The following DENND5B variants were observed in gnomAD, a reference collection of about 807,000 sequenced individuals.
DENND5B encodes the protein DENN domain containing 5B, also known as DENN domain-containing protein 5B.
Under a neutral mutation model 140.6 loss-of-function variants are expected in DENND5B, and 34 were observed. The ratio of observed to expected loss-of-function variants is 0.24; its 90% confidence interval spans 0.18 to 0.32. The LOEUF is 0.32. DENND5B is among the 10% of genes least tolerant of loss of function. The pLI is 1.00. For synonymous variants in DENND5B, 551 were observed against 562.1 expected, an observed-to-expected ratio of 0.98 and a Z score of 0.28; for missense variants, 1,142 against 1,560.2, an observed-to-expected ratio of 0.73 and a Z score of 4.52.
intron 2 of DENND5B, among the ~76,000 whole-genome samples, chr12:31,483,865 C>CTTTTTTTTTT (rs200066618): frequency 9.3e-5 from 12 of 129,404 alleles, no homozygotes; most frequent in South Asian, 2.5e-4. Context: ...CTTTTCTTTT[C>CTTTTTTTTTT]TTTTTTTTTT....
chr12:31,423,714 A>AAAAAT (rs2137710694), intron 10 of DENND5B, 39 bp from the exon 11 acceptor site: 1 of 1,586,748 alleles, frequency 6.3e-7, no homozygotes. Flanking sequence ...ATAAGAAATA[A>AAAAAT]TTCATCAAAA....
chr12:31,531,785 CA>C (rs1948295810), intron 1 of DENND5B, among the ~76,000 whole-genome samples: 1 of 152,142 alleles, frequency 6.6e-6, no homozygotes, highest in Non-Finnish European at 1.5e-5. Flanking sequence ...ATCCGCCCAG[CA>C]GAAACTGAGC....
At chr12:31,491,952 A>T (rs1429085630) in intron 2 of DENND5B, among the ~76,000 whole-genome samples, 1 of 152,256 alleles carries the variant, frequency 6.6e-6, no homozygotes, top group South Asian at 2.1e-4. Flanking sequence ...TAAAGGCAAG[A>T]CAAAGCTTTA....
At chr12:31,568,441 G>T (rs951680057) in intron 1 of DENND5B, among the ~76,000 whole-genome samples, 1 of 152,124 alleles carries the variant, frequency 6.6e-6, no homozygotes, top group Non-Finnish European at 1.5e-5. Context: ...TAGCTATATA[G>T]TTTTCATCCC....
At chr12:31,531,695 A>C (rs1032548632) in intron 1 of DENND5B, among the ~76,000 whole-genome samples, 1 of 152,208 alleles carries the variant, frequency 6.6e-6, no homozygotes, top group African/African-American at 2.4e-5. Flanking sequence ...ACCCAGAATT[A>C]CATTCCTTCC....
chr12:31,577,117 T>A (rs1211420374), intron 1 of DENND5B, among the ~76,000 whole-genome samples: 1 of 152,164 alleles, frequency 6.6e-6, no homozygotes, highest in African/African-American at 2.4e-5. Flanking sequence ...CTATGAGCAA[T>A]CTTGTGTCAA....
In DENND5B at chr12:31,409,302, C is replaced by T. The variant is rs1201808461; in HGVS notation, c.2764G>A (p.Val922Met). ...ACACTGGTGAAGCAGAAATAGTCCA[C>T]AGCATTGAGAGAAAGAAGGTGGTAA... ...FLYHLLSLNA[V>M]DYFCFTSVFT... is the part of the protein sequence containing the mutation. The change falls in exon 14 of 21, where the codon GTG (valine) becomes ATG (methionine). Residue 922 changes from valine (V) to methionine (M), a missense_variant. Val to Met is a conservative substitution (Grantham distance 21, BLOSUM62 1). Around this residue, in one of 5 missense-constraint regions of DENND5B, gnomAD observed 268 missense variants for 349.2 expected, o/e 0.77. Coordinates refer to ENST00000389082, the MANE Select transcript of DENND5B (RefSeq NM_144973.4). 5 of 1,570,890 alleles carry T rather than the reference C, an allele frequency of 3.2e-6. No homozygotes were observed. In the Admixed American group the frequency reaches 9.4e-5, roughly 30 times the overall value.
intron 8 of DENND5B, 74 bp downstream of exon 8, chr12:31,433,081 T>C (rs750740885): frequency 1.7e-6 from 2 of 1,207,044 alleles, no homozygotes; most frequent in Non-Finnish European, 2.4e-6. Context: ...ATCTACACAA[T>C]GACATCTGCT....
chr12:31,402,736 A>C, intron 14 of DENND5B, 93 bp from the exon 15 acceptor site: 1 of 1,429,990 alleles, frequency 7.0e-7, no homozygotes, highest in Middle Eastern at 1.9e-4. Context: ...GTTTTCATTG[A>C]TAATTTGCTT....
intron 7 of DENND5B, among the ~76,000 whole-genome samples, chr12:31,442,299 C>G (rs1385879142): frequency 6.6e-6 from 1 of 152,136 alleles, no homozygotes; most frequent in Non-Finnish European, 1.5e-5. Flanking sequence ...AAGGATCATT[C>G]CCTAGAAGCC....
chr12:31,519,633 C>G (rs989263296), intron 1 of DENND5B, among the ~76,000 whole-genome samples: 4 of 152,146 alleles, frequency 2.6e-5, no homozygotes, highest in Non-Finnish European at 5.9e-5. Context: ...GGGGCTCACA[C>G]AGAAGTCAAA....
chr12:31,499,760 ATAAT>A (rs1271190459), intron 1 of DENND5B: 1 of 1,076,694 alleles, frequency 9.3e-7, no homozygotes, highest in African/African-American at 1.6e-5. Context: ...GAAAATGAGA[ATAAT>A]TAACCAAAAG....
chr12:31,441,960 G>A (rs1434178103), intron 7 of DENND5B, among the ~76,000 whole-genome samples: 2 of 152,186 alleles, frequency 1.3e-5, no homozygotes, highest in Admixed American at 1.3e-4. Flanking sequence ...TGAGGTTACA[G>A]GCGTGAGCCA....
intron 19 of DENND5B, among the ~76,000 whole-genome samples, chr12:31,390,465 C>A (rs1593034572): frequency 6.6e-6 from 1 of 151,480 alleles, no homozygotes; most frequent in East Asian, 2.0e-4. Context: ...ATGGTGAAAC[C>A]CCATCTCTAC....
Position 31,382,716 on chromosome 12 carries a change from G to T in DENND5B, c.*4887C>A, listed in dbSNP as rs931668753. ...CGAATGAGGAAAAATTTTATTTGAG[G>T]TTTTTTTTTTTTCCTCTAGCTTGAT... On this transcript the variant is annotated 3_prime_UTR_variant, in exon 21 of 21. Coordinates refer to ENST00000389082, the MANE Select transcript of DENND5B (RefSeq NM_144973.4). 1 of 146,018 alleles carries T rather than the reference G, an allele frequency of 6.8e-6. No individual in the cohort carries two copies. The highest frequency in any genetic ancestry group is 6.9e-5 in the Admixed American group (1 of 14,546). 9.0% of individuals were successfully genotyped at this position (146,018 alleles called of 1,614,324 possible).
At chr12:31,468,039 A>T (rs1945357037) in intron 3 of DENND5B, among the ~76,000 whole-genome samples, 1 of 152,094 alleles carries the variant, frequency 6.6e-6, no homozygotes. Flanking sequence ...GAATTGCTTG[A>T]GCCCAGGAGT....
At chr12:31,490,825 C>T (rs1287095704) in intron 2 of DENND5B, among the ~76,000 whole-genome samples, 2 of 152,128 alleles carry the variant, frequency 1.3e-5, no homozygotes, top group South Asian at 2.1e-4. Context: ...AACCTTTCAC[C>T]GTTTACTCTT....
At position 31,439,881 on chromosome 12, in the gene DENND5B, G is replaced by C. The variant is rs548678516; in HGVS notation, c.2012+2894C>G. On this transcript the variant is annotated intron_variant, in intron 7 of 20. Coordinates refer to ENST00000389082, the MANE Select transcript of DENND5B (RefSeq NM_144973.4). Reference sequence around the variant, plus strand: ...GGAGGTGGAGGTTGCGGTGAGCTGAGATCGTACCATTGCACTCTGGCCTGG... The same window carrying C: ...GGAGGTGGAGGTTGCGGTGAGCTGACATCGTACCATTGCACTCTGGCCTGG... Among the ~76,000 whole-genome samples, 6 of 119,926 alleles carry C rather than the reference G, an allele frequency of 5.0e-5. No homozygotes were observed. In the South Asian group the frequency reaches 1.7e-3, roughly 33 times the overall value. The allele number at this position is 119,926 out of a possible 152,430, so 78.7% of individuals were successfully genotyped here.
At chr12:31,589,029 C>T (rs1285664162) in intron 1 of DENND5B, among the ~76,000 whole-genome samples, 1 of 152,168 alleles carries the variant, frequency 6.6e-6, no homozygotes, top group Non-Finnish European at 1.5e-5. Context: ...TAACATCATT[C>T]TCTCTGTGCC....
Sources: allele counts gnomAD v4.1 joint callset (sites outside exome capture counted in the v4.1 genomes callset), GRCh38; gene constraint gnomAD v4.1.1; regional missense constraint gnomAD v4.1.1; transcripts MANE v1.5; gene names NCBI Gene and HGNC (gene_info 2026-07-23, HGNC 2026-07-21).